Variants in ZC3H18 observed in about 807,000 individuals in gnomAD.
The protein encoded by ZC3H18 is zinc finger CCCH domain-containing protein 18.
ZC3H18 carries 8 observed loss-of-function variants against 106.1 expected under a neutral mutation model. That is an observed-to-expected ratio of 0.08 (90% CI 0.04 to 0.14). The LOEUF is 0.14. Ranked by LOEUF, ZC3H18 falls within the 10% of genes least tolerant of loss-of-function variation. The pLI, the probability that ZC3H18 is intolerant of heterozygous loss-of-function variation, is 1.00. For synonymous variants in ZC3H18, 635 were observed against 522.1 expected, an observed-to-expected ratio of 1.22 and a Z score of -2.95; for missense variants, 1,318 against 1,278.4, an observed-to-expected ratio of 1.03 and a Z score of -0.47.
At chr16:88,604,637 G>A (rs1299529266) in intron 6 of ZC3H18, among the ~76,000 whole-genome samples, 1 of 152,136 alleles carries the variant, frequency 6.6e-6, no homozygotes. Flanking sequence ...AGTGAGCCGA[G>A]ATGGCGCCAC....
chr16:88,581,213 G>A (rs537331468), intron 2 of ZC3H18, among the ~76,000 whole-genome samples: 1 of 152,224 alleles, frequency 6.6e-6, no homozygotes, highest in African/African-American at 2.4e-5. Context: ...TGTTGCCCAG[G>A]CTGGTCTTGA....
chr16:88,617,761 C>T lies in ZC3H18; in HGVS notation c.1476-4436C>T, dbSNP rs185617569. 2.0e-5 allele frequency among the ~76,000 whole-genome samples: 3 copies of T among 152,352 alleles called. No individual in the cohort carries two copies. The East Asian group carries it at 5.8e-4, about 29-fold the overall frequency. ...CCCCGGGCTCTTCATTCTCACTCTTCCCTGGTAAGTTCCGGACACCGCAGA... is the reference window on the plus strand; with the variant it reads ...CCCCGGGCTCTTCATTCTCACTCTTTCCTGGTAAGTTCCGGACACCGCAGA... On this transcript the variant is annotated intron_variant, in intron 8 of 17. Transcript: ENST00000301011.
intron 2 of ZC3H18, among the ~76,000 whole-genome samples, chr16:88,581,015 C>T (rs945731065): frequency 1.3e-5 from 2 of 152,222 alleles, no homozygotes; most frequent in African/African-American, 4.8e-5. Flanking sequence ...ACTGATTCGC[C>T]TAGAGGCTTT....
Position 88,622,236 on chromosome 16 carries a change from G to C in ZC3H18, c.1515G>C (p.Thr505=), listed in dbSNP as rs747979345. Residue 505 remains threonine (T), a synonymous_variant, in exon 9 of 18, where the codon ACG becomes ACC. Transcript: ENST00000301011. ...AEPPKKEAAT[T]GPQVKRADEW... ...CACCAAAGAAGGAGGCTGCCACCAC[G>C]GGGCCGCAGGTGAAGAGAGCAGATG... 2.5e-6 allele frequency: 4 copies of C among 1,612,506 alleles called. No homozygotes were observed. Among genetic ancestry groups the C allele is most frequent in the Admixed American group, 1.7e-5 (1 of 59,864 alleles).
intron 3 of ZC3H18, among the ~76,000 whole-genome samples, chr16:88,588,827 A>C (rs111977666): frequency 0.021 from 3,224 of 151,952 alleles, 95 homozygotes; most frequent in African/African-American, 0.067. Context: ...TTGAGGCTGC[A>C]GTTGTGCCAT....
chr16:88,631,454 TGACAAC>T lies in ZC3H18; in HGVS notation c.*159_*164del. 1 of 1,045,172 alleles carries T rather than the reference TGACAAC, an allele frequency of 9.6e-7. No individual in the cohort carries two copies. The highest frequency in any genetic ancestry group is 1.4e-6 in the Non-Finnish European group (1 of 720,168). The allele number at this position is 1,045,172 out of a possible 1,614,324, so 64.7% of individuals were successfully genotyped here. ...GCTGGAAAAGAAGCCACACAGGAAATGACAACGACGCTGAATCCCAGCCTCCCTCCC... is the reference window on the plus strand; with the variant it reads ...GCTGGAAAAGAAGCCACACAGGAAATGACGCTGAATCCCAGCCTCCCTCCC... On this transcript the variant is annotated 3_prime_UTR_variant, in exon 18 of 18. Transcript: ENST00000301011.
At chr16:88,592,414 G>C (rs1339267154) in intron 3 of ZC3H18, among the ~76,000 whole-genome samples, 1 of 152,128 alleles carries the variant, frequency 6.6e-6, no homozygotes. Flanking sequence ...GGGAGTCCTT[G>C]AGACCCTTTC....
At chr16:88,580,609 C>T (rs1324657234) in intron 2 of ZC3H18, among the ~76,000 whole-genome samples, 1 of 152,130 alleles carries the variant, frequency 6.6e-6, no homozygotes, top group African/African-American at 2.4e-5. Flanking sequence ...GCCGTATCTC[C>T]ACCAAGCCCA....
intron 2 of ZC3H18, among the ~76,000 whole-genome samples, chr16:88,581,311 G>A (rs1915115873): frequency 6.6e-6 from 1 of 152,302 alleles, no homozygotes; most frequent in East Asian, 1.9e-4. Flanking sequence ...TTTTTCAGAA[G>A]CGCTTTCTCT....
intron 3 of ZC3H18, chr16:88,587,751 C>T (rs753993035): frequency 1.2e-4 from 102 of 826,156 alleles, no homozygotes; most frequent in Non-Finnish European, 1.7e-4. Flanking sequence ...GAGAGCTGTT[C>T]GGAACCTCCT....
chr16:88,609,121 C>T (rs9930974), intron 7 of ZC3H18, 70 bp downstream of exon 7: 1,300,909 of 1,302,214 alleles, frequency 1, 649,816 homozygotes, highest in Middle Eastern at 1. Context: ...TTTTTATTTA[C>T]AGTAAAAAAT....
rs560147067 is a variant in ZC3H18 at position 88,624,528 on chromosome 16, C to G, written c.1899-74C>G. ...CAGTGTCGTTCCCCGAGCTGTGGGT[C>G]CATTGAAAGGGGATGTAGGCCAGCG... On this transcript the variant is annotated intron_variant, in intron 11 of 17. Transcript: ENST00000301011. The G allele has an allele frequency of 1.4e-5, 23 of 1,607,510 alleles. 1 individual carries two copies. In the South Asian group the frequency reaches 2.2e-4, roughly 15 times the overall value.
chr16:88,592,317 T>C (rs565468103), intron 3 of ZC3H18, among the ~76,000 whole-genome samples: 1 of 152,286 alleles, frequency 6.6e-6, no homozygotes, highest in Admixed American at 6.5e-5. Flanking sequence ...TTTGTGTATC[T>C]TCTTGGAGAA....
At chr16:88,614,983 C>T (rs949329620) in intron 8 of ZC3H18, among the ~76,000 whole-genome samples, 15 of 151,522 alleles carry the variant, frequency 9.9e-5, no homozygotes, top group African/African-American at 3.4e-4. Context: ...GTTCCCTCTG[C>T]CCAGATGGGC....
At chr16:88,580,210 A>ATGTGTGTG (rs1356030030) in intron 2 of ZC3H18, among the ~76,000 whole-genome samples, 1 of 34,212 alleles carries the variant, frequency 2.9e-5, no homozygotes, top group Non-Finnish European at 7.8e-5. Flanking sequence ...GTGTGTGTGT[A>ATGTGTGTG]TATGTATATG....
intron 3 of ZC3H18, among the ~76,000 whole-genome samples, chr16:88,592,280 G>A (rs1025004676): frequency 6.6e-6 from 1 of 152,036 alleles, no homozygotes; most frequent in Admixed American, 6.6e-5. Flanking sequence ...GTGGTGGGGT[G>A]TCTTTTTTCA....
At chr16:88,614,448 G>A (rs531669881) in intron 8 of ZC3H18, among the ~76,000 whole-genome samples, 4 of 152,332 alleles carry the variant, frequency 2.6e-5, no homozygotes, top group South Asian at 4.1e-4. Context: ...TCAGCTCTCA[G>A]GCAGGACTTC....
At position 88,623,953 on chromosome 16, in the gene ZC3H18, C is replaced by T. The variant is rs780682054; in HGVS notation, c.1794-5C>T. ...CCCTTCCGACACCTTTGTTCACTCC[C>T]CTAGGTCCCGGTCCTTCTCTTCGTC... On this transcript the variant is annotated splice_region_variant and splice_polypyrimidine_tract_variant and intron_variant, in intron 10 of 17. Coordinates refer to ENST00000301011, the MANE Select transcript of ZC3H18 (RefSeq NM_144604.4). 1 of 1,609,782 alleles carries T rather than the reference C, an allele frequency of 6.2e-7. No homozygotes were observed. Among genetic ancestry groups the T allele is most frequent in the Non-Finnish European group, 8.5e-7 (1 of 1,177,192 alleles).
chr16:88,630,588 C>A lies in ZC3H18; in HGVS notation c.2663+7C>A. On this transcript the variant is annotated splice_region_variant and intron_variant, in intron 17 of 17. Coordinates refer to ENST00000301011, the MANE Select transcript of ZC3H18 (RefSeq NM_144604.4). Reference sequence around the variant, plus strand: ...CTGCAGCCCCGGCTGACAGGTGAGTCCCACCCAGCATGTGCCCTGGGCACA... The same window carrying A: ...CTGCAGCCCCGGCTGACAGGTGAGTACCACCCAGCATGTGCCCTGGGCACA... 6.3e-7 allele frequency: 1 copy of A among 1,597,374 alleles called. No individual in the cohort carries two copies.
Sources: gnomAD v4.1 joint callset for allele counts (sites outside exome capture counted in the v4.1 genomes callset) on GRCh38, gnomAD v4.1.1 for gene constraint, MANE v1.5 for transcripts, NCBI Gene and HGNC (gene_info 2026-07-23, HGNC 2026-07-21) for gene names.